PAK5: variants seen among roughly 807,000 people sequenced by gnomAD.
PAK5 encodes the protein p21 (RAC1) activated kinase 5.
Under a neutral mutation model 65.9 loss-of-function variants are expected in PAK5, and 16 were observed. The observed-to-expected ratio is 0.24, with a 90% CI of 0.16 to 0.37. The LOEUF is 0.37. Ranked by LOEUF, PAK5 falls within the 10% of genes least tolerant of loss-of-function variation. The pLI is 1.00. For missense variants in PAK5, 785 were observed against 903.9 expected (o/e 0.87, Z 1.69); for synonymous variants, 371 against 354.9 (o/e 1.05, Z -0.51).
intron 1 of PAK5, among the ~76,000 whole-genome samples, chr20:9,747,862 AG>A (rs1229966950): frequency 1.3e-5 from 2 of 150,306 alleles, no homozygotes; most frequent in Non-Finnish European, 3.0e-5. Context: ...AAGGAAATAA[AG>A]GGTATTCAAT....
At chr20:9,767,738 G>C (rs1384355337) in intron 1 of PAK5, among the ~76,000 whole-genome samples, 1 of 152,106 alleles carries the variant, frequency 6.6e-6, no homozygotes, top group Non-Finnish European at 1.5e-5. Flanking sequence ...AGCCCATGCA[G>C]GTCAGTGGTA....
At chr20:9,544,639 C>A (rs1011785456) in intron 7 of PAK5, 145 bp from the exon 8 acceptor site, 2 of 706,334 alleles carry the variant, frequency 2.8e-6, no homozygotes, top group Admixed American at 5.1e-5. Context: ...ACTGTCAGAC[C>A]CTTTTATTGG....
chr20:9,798,878 T>C (rs117462656), intron 1 of PAK5, among the ~76,000 whole-genome samples: 8 of 152,186 alleles, frequency 5.3e-5, no homozygotes, highest in Non-Finnish European at 8.8e-5. Flanking sequence ...CCACCCCAGA[T>C]CTACTAATAT....
In PAK5 at chr20:9,709,809, G is replaced by T. The variant is rs193016459; in HGVS notation, c.-12+1477C>A. Among the ~76,000 whole-genome samples the T allele has an allele frequency of 9.3e-3, 1,411 of 152,208 alleles. 13 individuals are homozygous for T. Among genetic ancestry groups the T allele is most frequent in the Middle Eastern group, 0.044 (13 of 294 alleles). On this transcript the variant is annotated intron_variant, in intron 2 of 9. Transcript: ENST00000353224. ...AACTCTTCTGAGCACAGACTTGAGG[G>T]TTGTCCACCCTCCAACAGTAGCTGT...
chr20:9,683,406 G>A (rs936058276), intron 2 of PAK5, among the ~76,000 whole-genome samples: 1 of 152,208 alleles, frequency 6.6e-6, no homozygotes, highest in Non-Finnish European at 1.5e-5. Context: ...CAGCTGCAAT[G>A]TAATTTCCAT....
Position 9,795,984 on chromosome 20 carries a change from C to T in PAK5, c.-162+42778G>A, listed in dbSNP as rs2049100585. 3.9e-5 allele frequency among the ~76,000 whole-genome samples: 6 copies of T among 151,946 alleles called. No individual in the cohort carries two copies. The South Asian group carries it at 1.2e-3, about 32-fold the overall frequency. ...ATTTACTTTTTTCTTTACAATGGAT[C>T]GTCCTATAACTTAATCATTAAATTG... On this transcript the variant is annotated intron_variant, in intron 1 of 9. Transcript: ENST00000353224.
intron 1 of PAK5, among the ~76,000 whole-genome samples, chr20:9,830,380 A>G (rs975072079): frequency 6.6e-5 from 10 of 152,232 alleles, no homozygotes; most frequent in Non-Finnish European, 1.5e-5. Flanking sequence ...GAACTGCAGT[A>G]AGAATATGCA....
intron 1 of PAK5, among the ~76,000 whole-genome samples, chr20:9,812,524 T>TA (rs1377762398): frequency 2.0e-5 from 3 of 152,142 alleles, no homozygotes; most frequent in Admixed American, 6.6e-5. Flanking sequence ...AACAGGTTGA[T>TA]AGTCTCCTAT....
At chr20:9,771,109 C>T (rs1341747356) in intron 1 of PAK5, among the ~76,000 whole-genome samples, 1 of 152,166 alleles carries the variant, frequency 6.6e-6, no homozygotes, top group Non-Finnish European at 1.5e-5. Context: ...CTTCATAAAA[C>T]TTGTGGGAAA....
chr20:9,740,094 A>G (rs2423456), intron 1 of PAK5, among the ~76,000 whole-genome samples: 45,862 of 152,062 alleles, frequency 0.3, 7,134 homozygotes, highest in African/African-American at 0.36. Context: ...GTCTATAGGG[A>G]AAAGGAATTA....
chr20:9,601,161 G>T (rs1251017547), intron 3 of PAK5, among the ~76,000 whole-genome samples: 1 of 152,158 alleles, frequency 6.6e-6, no homozygotes, highest in Non-Finnish European at 1.5e-5. Context: ...CTGATATCTG[G>T]ATTCCCATCT....
At chr20:9,750,212 G>A (rs1223913697) in intron 1 of PAK5, among the ~76,000 whole-genome samples, 2 of 151,766 alleles carry the variant, frequency 1.3e-5, no homozygotes, top group South Asian at 2.1e-4. Flanking sequence ...CTCCTAACAC[G>A]TACAAGCAGT....
chr20:9,662,687 A>T (rs1364743908), intron 2 of PAK5, among the ~76,000 whole-genome samples: 4 of 152,206 alleles, frequency 2.6e-5, no homozygotes, highest in African/African-American at 9.6e-5. Flanking sequence ...ACTTCATGCA[A>T]GCAAGAAATT....
At position 9,580,043 on chromosome 20, in the gene PAK5, G is replaced by T. The variant is rs934866401; in HGVS notation, c.990+102C>A. The stretch of plus-strand genomic sequence containing the variant: ...TTTGATATTGATTTTCCCTTAAAAG[G>T]CAAACAAGTACTTTACAATCCAATC... On this transcript the variant is annotated intron_variant, in intron 4 of 9. Coordinates refer to ENST00000353224, the MANE Select transcript of PAK5 (RefSeq NM_177990.4). The T allele has an allele frequency of 9.8e-6, 10 of 1,019,968 alleles. No homozygotes were observed. The African/African-American group carries it at 1.3e-4, about 13-fold the overall frequency. The allele number at this position is 1,019,968 out of a possible 1,614,324, so 63.2% of individuals were successfully genotyped here.
At chr20:9,816,110 C>A (rs1247797529) in intron 1 of PAK5, among the ~76,000 whole-genome samples, 1 of 152,142 alleles carries the variant, frequency 6.6e-6, no homozygotes, top group Non-Finnish European at 1.5e-5. Flanking sequence ...TGGAGAAAGA[C>A]TTGACTGGGT....
intron 1 of PAK5, among the ~76,000 whole-genome samples, chr20:9,742,877 C>T (rs142533093): frequency 6.6e-6 from 1 of 152,286 alleles, no homozygotes; most frequent in Non-Finnish European, 1.5e-5. Flanking sequence ...ATGCATTGAC[C>T]TAGACAAGAA....
In PAK5 at chr20:9,644,272, G is replaced by A. The variant is rs1212645168; in HGVS notation, c.57C>T (p.His19=). 2 of 1,605,942 alleles carry A rather than the reference G, an allele frequency of 1.2e-6. No individual in the cohort carries two copies. Among genetic ancestry groups the A allele is most frequent in the South Asian group, 1.1e-5 (1 of 89,396 alleles). The change falls in exon 3 of 10, where the codon CAC becomes CAT. Residue 19 remains histidine, a synonymous_variant. Transcript: ENST00000353224. ...IEISGPSNFE[H]RVHTGFDPQE... ...GTGGATCAAACCCAGTATGAACCCT[G>A]TGTTCAAAGTTGGACGGGCCAGATA...
intron 1 of PAK5, among the ~76,000 whole-genome samples, chr20:9,789,485 T>G (rs550801484): frequency 6.6e-6 from 1 of 152,312 alleles, no homozygotes; most frequent in South Asian, 2.1e-4. Flanking sequence ...AAAGTTTCCA[T>G]TAAGCCATTC....
intron 7 of PAK5, among the ~76,000 whole-genome samples, chr20:9,554,057 G>A (rs1005227858): frequency 6.6e-6 from 1 of 152,146 alleles, no homozygotes; most frequent in Non-Finnish European, 1.5e-5. Context: ...GTTTTAATGT[G>A]CATTTCTCAA....
Sources: gnomAD v4.1 joint callset for allele counts (sites outside exome capture counted in the v4.1 genomes callset) on GRCh38, gnomAD v4.1.1 for gene constraint, MANE v1.5 for transcripts, NCBI Gene and HGNC (gene_info 2026-07-23, HGNC 2026-07-21) for gene names.